The following RNF216 variants were observed in gnomAD, a reference collection of about 807,000 sequenced individuals.
RNF216 encodes the protein E3 ubiquitin-protein ligase RNF216.
A neutral mutation model predicts 110.8 loss-of-function variants in RNF216; 72 were observed. That is an observed-to-expected ratio of 0.65 (90% CI 0.54 to 0.79). The LOEUF is 0.79. Among genes scored for constraint, RNF216 ranks in the 30% least tolerant of loss-of-function variants. The pLI, the probability that RNF216 is intolerant of heterozygous loss-of-function variation, is 0.00. For synonymous variants in RNF216, 495 were observed against 407.5 expected (o/e 1.21, Z -2.59); for missense variants, 1,342 against 1,141.2 (o/e 1.18, Z -2.54).
At chr7:5,765,083 A>G (rs543804669) in intron 1 of RNF216, among the ~76,000 whole-genome samples, 2 of 151,724 alleles carry the variant, frequency 1.3e-5, no homozygotes, top group South Asian at 4.2e-4. Flanking sequence ...AAAAAAAAAA[A>G]AGTAAGGATG....
rs549053190 is a variant in RNF216 at position 5,664,768 on chromosome 7, C to A, written c.2062-12258G>T. ...ACAAGATAATCCAAACTGCCTGGGT[C>A]CAGTTCTTAAAGGACACACAAAATT... On this transcript the variant is annotated intron_variant, in intron 13 of 16. Coordinates refer to ENST00000389902, the MANE Select transcript of RNF216 (RefSeq NM_207111.4). Among the ~76,000 whole-genome samples the A allele has an allele frequency of 3.9e-5, 6 of 152,334 alleles. No homozygotes were observed. The East Asian group carries it at 1.2e-3, about 29-fold the overall frequency.
intron 13 of RNF216, among the ~76,000 whole-genome samples, chr7:5,682,409 TTTC>T (rs1211417111): frequency 6.6e-6 from 1 of 151,386 alleles, no homozygotes; most frequent in Non-Finnish European, 1.5e-5. Flanking sequence ...TTTCATTTTT[TTTC>T]TTTTTTTTTT....
chr7:5,652,581 A>G (rs949252031), intron 13 of RNF216, 71 bp from the exon 14 acceptor site: 3 of 984,426 alleles, frequency 3.0e-6, no homozygotes, highest in Non-Finnish European at 4.9e-6. Context: ...GTTCAACAAA[A>G]GGGATATGAA....
intron 1 of RNF216, among the ~76,000 whole-genome samples, chr7:5,780,881 CAG>C (rs761842163): frequency 3.9e-5 from 6 of 152,224 alleles, no homozygotes; most frequent in Non-Finnish European, 8.8e-5. Context: ...GCAAGTGGCC[CAG>C]AGTCTTGGAT....
Position 5,776,594 on chromosome 7 carries a change from CA to C in RNF216, c.-70+4946del, listed in dbSNP as rs35304255. Reference sequence around the variant, plus strand: ...TGGGCGACAGAGCAAGACTCCGTCTCAAAAAAAAAAAAAAAAAAAAGACTAT... The same window carrying C: ...TGGGCGACAGAGCAAGACTCCGTCTCAAAAAAAAAAAAAAAAAAAGACTAT... On this transcript the variant is annotated intron_variant, in intron 1 of 16. Coordinates refer to ENST00000389902, the MANE Select transcript of RNF216 (RefSeq NM_207111.4). Among the ~76,000 whole-genome samples, 374 of 62,464 alleles carry C rather than the reference CA, an allele frequency of 6.0e-3. 4 individuals carry two copies. The highest frequency in any genetic ancestry group is 0.018 in the African/African-American group (261 of 14,412). The allele number at this position is 62,464 out of a possible 152,430, so 41.0% of individuals were successfully genotyped here.
At chr7:5,634,216 G>A (rs1338063267) in intron 15 of RNF216, among the ~76,000 whole-genome samples, 2 of 152,100 alleles carry the variant, frequency 1.3e-5, no homozygotes, top group African/African-American at 4.8e-5. Flanking sequence ...GGGGAAGAAC[G>A]GGTGGCTTTT....
intron 13 of RNF216, among the ~76,000 whole-genome samples, chr7:5,702,474 C>A (rs1792031546): frequency 6.6e-6 from 1 of 152,190 alleles, no homozygotes; most frequent in Non-Finnish European, 1.5e-5. Flanking sequence ...TCTCTCCCTT[C>A]TGAATAATCA....
intron 13 of RNF216, among the ~76,000 whole-genome samples, chr7:5,653,135 ACTTTCCTCCGTTGCTCATCACT>A (rs370442254): frequency 0.018 from 2,674 of 152,202 alleles, 36 homozygotes; most frequent in Non-Finnish European, 0.028. Flanking sequence ...CCTAAGGGAG[ACTTTCCTCCGTTGCTCATCACT>A]CATCGGCATG....
At chr7:5,728,695 T>G (rs1352259572) in intron 7 of RNF216, among the ~76,000 whole-genome samples, 9 of 152,200 alleles carry the variant, frequency 5.9e-5, no homozygotes, top group Admixed American at 5.9e-4. Context: ...CAATGAGTAT[T>G]TTAACCACTA....
intron 15 of RNF216, among the ~76,000 whole-genome samples, chr7:5,632,291 C>T (rs952120758): frequency 1.3e-5 from 2 of 152,220 alleles, no homozygotes; most frequent in Admixed American, 6.5e-5. Context: ...AGTCTCTGTG[C>T]CTCATCCTTG....
rs767143684 is a variant in RNF216 at position 5,729,518 on chromosome 7, G to A, written c.1303C>T (p.Leu435Phe). The A allele has an allele frequency of 6.2e-7, 1 of 1,614,154 alleles. No homozygotes were observed. Among genetic ancestry groups the A allele is most frequent in the Non-Finnish European group, 8.5e-7 (1 of 1,180,022 alleles). Residue 435 changes from leucine (L) to phenylalanine (F), a missense_variant, in exon 7 of 17, where the codon CTC (leucine) becomes TTC (phenylalanine). Leu to Phe is a conservative substitution (Grantham distance 22). Transcript: ENST00000389902. ...QRCFIQAADLLMADFKVLSSQ... is the reference protein window; with the variant it reads ...QRCFIQAADLFMADFKVLSSQ... ...CTGAGCACTTTGAAGTCGGCCATGA[G>A]GAGGTCAGCAGCTTGGATGAAGCAG...
chr7:5,626,842 A>G (rs1427896619), intron 15 of RNF216, among the ~76,000 whole-genome samples: 1 of 152,184 alleles, frequency 6.6e-6, no homozygotes, highest in African/African-American at 2.4e-5. Flanking sequence ...TCAAGTATGT[A>G]AAGGATGTAG....
chr7:5,664,347 C>G (rs188869771), intron 13 of RNF216, among the ~76,000 whole-genome samples: 29 of 152,256 alleles, frequency 1.9e-4, no homozygotes, highest in African/African-American at 7.0e-4. Context: ...TCCTTCCTTT[C>G]TTTGCTCCCT....
chr7:5,623,674 T>G (rs1160643788), intron 16 of RNF216, among the ~76,000 whole-genome samples: 1 of 152,062 alleles, frequency 6.6e-6, no homozygotes, highest in Non-Finnish European at 1.5e-5. Flanking sequence ...GATCCAGTGA[T>G]GCTCCCACCT....
chr7:5,751,827 TAAAAAAAAA>T (rs3075700), intron 3 of RNF216, among the ~76,000 whole-genome samples: 2 of 37,276 alleles, frequency 5.4e-5, no homozygotes, highest in African/African-American at 2.3e-4. Context: ...ATCTTTAAAC[TAAAAAAAAA>T]AAAAAAAAAA....
chr7:5,734,323 G>C (rs185054398), intron 5 of RNF216, among the ~76,000 whole-genome samples: 2 of 152,252 alleles, frequency 1.3e-5, no homozygotes, highest in African/African-American at 4.8e-5. Context: ...TTAACATAAT[G>C]CTGAGTGAAA....
At chr7:5,631,005 G>A (rs1584339983) in intron 15 of RNF216, among the ~76,000 whole-genome samples, 1 of 152,188 alleles carries the variant, frequency 6.6e-6, no homozygotes, top group East Asian at 1.9e-4. Flanking sequence ...GGGAGCGTGT[G>A]TCAGAGGCAA....
Position 5,676,557 on chromosome 7 carries a change from G to A in RNF216, c.2062-24047C>T, listed in dbSNP as rs113201084. ...TCACAGTCTCCCGTCCGTCCTGTCT[G>A]CCTGGCTGTGTGACCAACACAGCTC... On this transcript the variant is annotated intron_variant, in intron 13 of 16. Transcript: ENST00000389902. Among the ~76,000 whole-genome samples the A allele has an allele frequency of 4.2e-3, 637 of 152,042 alleles. 2 individuals carry two copies. Among genetic ancestry groups the A allele is most frequent in the East Asian group, 0.022 (115 of 5,178 alleles).
At chr7:5,743,165 G>A (rs1053908256) in intron 3 of RNF216, among the ~76,000 whole-genome samples, 7 of 152,122 alleles carry the variant, frequency 4.6e-5, no homozygotes, top group South Asian at 2.1e-4. Context: ...GGAGGCTGAC[G>A]GAGCAGAATT....
Sources: allele counts gnomAD v4.1 joint callset (sites outside exome capture counted in the v4.1 genomes callset), GRCh38; gene constraint gnomAD v4.1.1; transcripts MANE v1.5; gene names NCBI Gene and HGNC (gene_info 2026-07-23, HGNC 2026-07-21).